Variants in ETS1 observed in about 807,000 individuals in gnomAD.
ETS1 encodes the protein protein C-ets-1.
A neutral mutation model predicts 58.6 loss-of-function variants in ETS1; 15 were observed. That is an observed-to-expected ratio of 0.26 (90% confidence interval 0.17 to 0.39). The LOEUF is 0.39. Among genes scored for constraint, ETS1 ranks in the 10% least tolerant of loss-of-function variants. The probability of loss-of-function intolerance (pLI) is 1.00; values close to 1 mark genes in which losing one functional copy is unlikely to be tolerated. For synonymous variants in ETS1, 214 were observed against 218.2 expected (o/e 0.98, Z 0.17); for missense variants, 417 against 610.5 (o/e 0.68, Z 3.34).
At chr11:128,471,237 G>C (rs1005076241) in intron 8 of ETS1, among the ~76,000 whole-genome samples, 1 of 152,360 alleles carries the variant, frequency 6.6e-6, no homozygotes, top group South Asian at 2.1e-4. Context: ...AGCAAGACCA[G>C]GTGGCTGGCA....
At chr11:128,562,358 G>A (rs1051414402) in intron 2 of ETS1, among the ~76,000 whole-genome samples, 6 of 152,270 alleles carry the variant, frequency 3.9e-5, no homozygotes, top group East Asian at 1.9e-4. Flanking sequence ...GCAGTGAGCC[G>A]AGATCGTGCC....
chr11:128,514,551 T>C (rs947731285), intron 3 of ETS1, among the ~76,000 whole-genome samples: 6 of 152,222 alleles, frequency 3.9e-5, no homozygotes, highest in African/African-American at 1.4e-4. Context: ...CCCATGAAGC[T>C]GACCTATGAA....
rs530354812 is a variant in ETS1 at position 128,566,978 on chromosome 11, G to C, written c.69+6084C>G. On this transcript the variant is annotated intron_variant, in intron 2 of 9. Coordinates refer to ENST00000392668, the MANE Select transcript of ETS1 (RefSeq NM_001143820.2). ...GTGCGTTGGCTTCTGCCTCACCAGA[G>C]GGCCTGAAGGTGGAAATAGAGTCCT... Among the ~76,000 whole-genome samples the C allele has an allele frequency of 2.6e-5, 4 of 152,284 alleles. No homozygotes were observed. The East Asian group carries it at 7.7e-4, about 29-fold the overall frequency.
chr11:128,475,061 C>T (rs553201908), intron 8 of ETS1, among the ~76,000 whole-genome samples: 7 of 152,376 alleles, frequency 4.6e-5, no homozygotes, highest in African/African-American at 1.2e-4. Flanking sequence ...TCCAGAGCTT[C>T]GCTCCTGTTA....
intron 2 of ETS1, among the ~76,000 whole-genome samples, chr11:128,566,088 G>A (rs968921626): frequency 2.0e-5 from 3 of 152,194 alleles, no homozygotes; most frequent in African/African-American, 2.4e-5. Flanking sequence ...GTAAACCACC[G>A]GCTGTGACAA....
chr11:128,476,998 T>C (rs1398923990), intron 8 of ETS1, among the ~76,000 whole-genome samples: 3 of 152,218 alleles, frequency 2.0e-5, no homozygotes, highest in African/African-American at 7.2e-5. Flanking sequence ...GGAGGAAGAA[T>C]GTAACTGTGC....
rs199698372 is a variant in ETS1, at chr11:128,462,496, G to A, written c.1323C>T (p.Tyr441=). The change falls in exon 10 of 10, where the codon TAC becomes TAT. Residue 441 remains tyrosine (Y), a synonymous_variant. Transcript: ENST00000392668. ...EKLSRGLRYY[Y]DKNIIHKTAG... is the part of the protein sequence containing the mutation. ...CTGTCTTGTGGATGATGTTTTTGTC[G>A]TAATAGTAGCGTAGGCCACGGCTCA... 1.4e-5 allele frequency: 22 copies of A among 1,614,164 alleles called. No individual in the cohort carries two copies. The highest frequency in any genetic ancestry group is 6.7e-5 in the African/African-American group (5 of 75,046).
chr11:128,486,199 T>C, intron 5 of ETS1, 53 bp from the exon 6 acceptor site: 1 of 1,173,494 alleles, frequency 8.5e-7, no homozygotes, highest in Non-Finnish European at 1.3e-6. Flanking sequence ...AAGTCATGCT[T>C]GGCCTAAAAG....
At chr11:128,478,328 AAGGAAGGAAGGAGGAAGGAAGG>A (rs142714456) in intron 8 of ETS1, among the ~76,000 whole-genome samples, 20 of 67,954 alleles carry the variant, frequency 2.9e-4, no homozygotes, top group South Asian at 1.5e-3. Flanking sequence ...GGAAAGAAGG[AAGGAAGGAAGGAGGAAGGAAGG>A]AGGAAGGAAG....
intron 5 of ETS1, among the ~76,000 whole-genome samples, chr11:128,486,553 C>A (rs1205651685): frequency 2.0e-5 from 3 of 152,194 alleles, no homozygotes; most frequent in African/African-American, 7.2e-5. Context: ...CAAAATTTCT[C>A]AAAAATATAT....
At chr11:128,498,367 G>C (rs1285280736) in intron 3 of ETS1, among the ~76,000 whole-genome samples, 1 of 152,150 alleles carries the variant, frequency 6.6e-6, no homozygotes, top group Non-Finnish European at 1.5e-5. Context: ...GCAAAAATCA[G>C]ATTCTGAGAT....
At chr11:128,544,919 G>A (rs1186614468) in intron 3 of ETS1, among the ~76,000 whole-genome samples, 2 of 151,768 alleles carry the variant, frequency 1.3e-5, no homozygotes, top group African/African-American at 4.8e-5. Context: ...AGCACGTGCT[G>A]TGTACACTGT....
intron 3 of ETS1, among the ~76,000 whole-genome samples, chr11:128,524,375 G>C (rs1486653409): frequency 6.6e-6 from 1 of 152,204 alleles, no homozygotes; most frequent in African/African-American, 2.4e-5. Flanking sequence ...GCGTAAAGCA[G>C]CAGTTTGGAG....
rs183665786 is a variant in ETS1 at position 128,556,528 on chromosome 11, G to A, written c.70-93C>T. 1.3e-3 allele frequency: 1,031 copies of A among 809,776 alleles called. 4 individuals carry two copies. The highest frequency in any genetic ancestry group is 1.9e-4 in the Non-Finnish European group (102 of 528,592). The allele number at this position is 809,776 out of a possible 1,614,324, so 50.2% of individuals were successfully genotyped here. A position where few individuals can be genotyped will look rare whatever the true frequency, so the allele number is the denominator to read the frequency against. Reference sequence around the variant, plus strand: ...ATGACTTCATATTATCCAATCACATGTAAGTAAGAATCATCTATAGATGAT... The same window carrying A: ...ATGACTTCATATTATCCAATCACATATAAGTAAGAATCATCTATAGATGAT... On this transcript the variant is annotated intron_variant, in intron 2 of 9. Transcript: ENST00000392668.
chr11:128,478,915 A>G (rs1489410645), intron 8 of ETS1, among the ~76,000 whole-genome samples: 1 of 152,232 alleles, frequency 6.6e-6, no homozygotes, highest in Non-Finnish European at 1.5e-5. Context: ...AAAGACCACC[A>G]GGGTATTGTA....
intron 3 of ETS1, among the ~76,000 whole-genome samples, chr11:128,518,960 G>A (rs551451526): frequency 2.6e-5 from 4 of 152,182 alleles, no homozygotes; most frequent in Non-Finnish European, 5.9e-5. Flanking sequence ...GCAGAGTGTT[G>A]AAGGAAAGGA....
chr11:128,561,534 C>T (rs949714924), intron 2 of ETS1, among the ~76,000 whole-genome samples: 2 of 152,230 alleles, frequency 1.3e-5, no homozygotes, highest in Non-Finnish European at 1.5e-5. Context: ...GGATGCCTCA[C>T]TCACCTCACT....
intron 2 of ETS1, 83 bp from the exon 3 acceptor site, chr11:128,556,518 C>T: frequency 1.1e-6 from 1 of 883,086 alleles, no homozygotes; most frequent in African/African-American, 1.7e-5. Flanking sequence ...TTCATATTAT[C>T]CAATCACATG....
At chr11:128,540,439 T>C (rs1209370634) in intron 3 of ETS1, among the ~76,000 whole-genome samples, 1 of 151,732 alleles carries the variant, frequency 6.6e-6, no homozygotes, top group Non-Finnish European at 1.5e-5. Flanking sequence ...GTGAATTGTA[T>C]AGTATGTGAA....
Sources: allele counts gnomAD v4.1 joint callset (sites outside exome capture counted in the v4.1 genomes callset), GRCh38; gene constraint gnomAD v4.1.1; transcripts MANE v1.5; gene names NCBI Gene and HGNC (gene_info 2026-07-23, HGNC 2026-07-21).